Variants in MCTP2 observed in about 807,000 individuals in gnomAD.
MCTP2 encodes the protein multiple C2 and transmembrane domain-containing protein 2.
In MCTP2, 132 loss-of-function variants were observed where a neutral mutation model predicts 111.6. The ratio of observed to expected loss-of-function variants is 1.18; its 90% confidence interval spans 1.03 to 1.37. The LOEUF is 1.37. MCTP2 is among the 40% of genes most tolerant of loss of function. The probability of loss-of-function intolerance (pLI) is 0.00; values close to 1 mark genes in which losing one functional copy is unlikely to be tolerated. For missense variants in MCTP2, 1,183 were observed against 1,067.9 expected (o/e 1.11, Z -1.50); for synonymous variants, 395 against 387.7 (o/e 1.02, Z -0.22).
chr15:94,303,699 C>T (rs2075753416), intron 2 of MCTP2, among the ~76,000 whole-genome samples: 1 of 152,118 alleles, frequency 6.6e-6, no homozygotes. Context: ...ATGGGAGCTA[C>T]AAGATGAGAT....
chr15:94,274,332 A>G (rs758307125), intron 1 of MCTP2, among the ~76,000 whole-genome samples: 2 of 152,222 alleles, frequency 1.3e-5, no homozygotes, highest in African/African-American at 2.4e-5. Context: ...CTGAAAATCA[A>G]TATCTAATTT....
chr15:94,458,365 A>T (rs1233977739), intron 20 of MCTP2, 119 bp downstream of exon 20: 1 of 675,692 alleles, frequency 1.5e-6, no homozygotes, highest in African/African-American at 1.8e-5. Flanking sequence ...ACACCAAAGC[A>T]ACACTGTTGG....
intron 12 of MCTP2, among the ~76,000 whole-genome samples, chr15:94,380,093 C>G (rs2080043862): frequency 1.3e-5 from 2 of 151,956 alleles, no homozygotes; most frequent in African/African-American, 2.4e-5. Flanking sequence ...TTTCTCTGAA[C>G]TTTCATGCTC....
intron 1 of MCTP2, among the ~76,000 whole-genome samples, chr15:94,276,059 T>A (rs984219228): frequency 6.6e-6 from 1 of 152,060 alleles, no homozygotes; most frequent in African/African-American, 2.4e-5. Flanking sequence ...TTAGCCAGGA[T>A]GGTCTTGATC....
intron 17 of MCTP2, among the ~76,000 whole-genome samples, chr15:94,430,772 T>C (rs905027925): frequency 1.2e-4 from 18 of 151,414 alleles, no homozygotes; most frequent in African/African-American, 4.4e-4. Context: ...AATAAAAAAA[T>C]AAACAAAACA....
chr15:94,235,748 C>T (rs1415233091), intron 1 of MCTP2, among the ~76,000 whole-genome samples: 2 of 152,194 alleles, frequency 1.3e-5, no homozygotes, highest in African/African-American at 4.8e-5. Context: ...TCCGTAGTCA[C>T]ACAGCTGGAA....
At chr15:94,352,478 C>G (rs2078358927) in intron 8 of MCTP2, among the ~76,000 whole-genome samples, 1 of 152,144 alleles carries the variant, frequency 6.6e-6, no homozygotes, top group South Asian at 2.1e-4. Context: ...AGCGAAAGGT[C>G]TGATCCTTTG....
Position 94,339,405 on chromosome 15 carries a change from A to T in MCTP2, c.753A>T (p.Gln251His). 6.2e-7 allele frequency: 1 copy of T among 1,607,658 alleles called. No homozygotes were observed. The highest frequency in any genetic ancestry group is 2.2e-5 in the East Asian group (1 of 44,818). The change falls in exon 5 of 23, where the codon CAA (glutamine) becomes CAT (histidine). Residue 251 changes from glutamine to histidine, a missense_variant. By Grantham distance (24) the Gln-to-His change is conservative. Transcript: ENST00000357742. ...ATGAGATAGTTGTATTGCCAATCCA[A>T]AGCCTTGATCAAAAGCTACGTGTGA... ...VWDEIVVLPIQSLDQKLRVKV... is the reference protein window; with the variant it reads ...VWDEIVVLPIHSLDQKLRVKV...
At chr15:94,449,767 A>G (rs2152519051) in intron 19 of MCTP2, among the ~76,000 whole-genome samples, 1 of 152,306 alleles carries the variant, frequency 6.6e-6, no homozygotes, top group East Asian at 1.9e-4. Flanking sequence ...TCACACAAAT[A>G]TTTTATCTTA....
At chr15:94,385,933 C>CA (rs1253654298) in intron 14 of MCTP2, among the ~76,000 whole-genome samples, 1 of 152,198 alleles carries the variant, frequency 6.6e-6, no homozygotes, top group Non-Finnish European at 1.5e-5. Context: ...GGTAACTGCA[C>CA]ATTTGTTCTC....
intron 1 of MCTP2, among the ~76,000 whole-genome samples, chr15:94,261,261 T>A (rs1365932559): frequency 6.6e-6 from 1 of 152,242 alleles, no homozygotes; most frequent in Non-Finnish European, 1.5e-5. Context: ...CATCAGGACC[T>A]TCTGAGGCTG....
At chr15:94,402,361 A>G (rs1375544616) in intron 17 of MCTP2, 2 of 1,472,784 alleles carry the variant, frequency 1.4e-6, no homozygotes, top group East Asian at 5.0e-5. Flanking sequence ...CACAGGACTA[A>G]ATAATAACTG....
At chr15:94,443,402 C>T (rs2152512893) in intron 19 of MCTP2, among the ~76,000 whole-genome samples, 1 of 152,346 alleles carries the variant, frequency 6.6e-6, no homozygotes, top group South Asian at 2.1e-4. Context: ...CTGTGTACAT[C>T]TGTCCTTTTC....
intron 2 of MCTP2, among the ~76,000 whole-genome samples, chr15:94,307,938 T>C (rs2075961531): frequency 6.6e-6 from 1 of 151,614 alleles, no homozygotes; most frequent in Non-Finnish European, 1.5e-5. Flanking sequence ...ACACATAGGC[T>C]GTTTTATGAC....
At chr15:94,426,753 T>C (rs1331475915) in intron 17 of MCTP2, among the ~76,000 whole-genome samples, 2 of 152,146 alleles carry the variant, frequency 1.3e-5, no homozygotes, top group Non-Finnish European at 2.9e-5. Context: ...AAAGGGGGCA[T>C]GGACTATGTT....
intron 22 of MCTP2, 129 bp downstream of exon 22, chr15:94,476,922 C>T: frequency 1.6e-6 from 1 of 609,962 alleles, no homozygotes; most frequent in Non-Finnish European, 2.9e-6. Context: ...CTTAAAGAGG[C>T]CTGGCTTGCA....
intron 17 of MCTP2, among the ~76,000 whole-genome samples, chr15:94,409,209 CAG>C (rs935607323): frequency 6.6e-6 from 1 of 152,074 alleles, no homozygotes; most frequent in African/African-American, 2.4e-5. Context: ...AATGTGAAAA[CAG>C]AGACTGGCCT....
intron 17 of MCTP2, among the ~76,000 whole-genome samples, chr15:94,435,977 A>T (rs2083457342): frequency 6.6e-6 from 1 of 152,088 alleles, no homozygotes; most frequent in Admixed American, 6.5e-5. Context: ...ATTTAATTTT[A>T]TTAGACTCAA....
intron 17 of MCTP2, among the ~76,000 whole-genome samples, chr15:94,418,264 C>T (rs916209938): frequency 2.6e-5 from 4 of 152,072 alleles, no homozygotes; most frequent in African/African-American, 9.7e-5. Context: ...ATGGAGGGCC[C>T]CACAGTGCCA....
Sources: gnomAD v4.1 joint callset for allele counts (sites outside exome capture counted in the v4.1 genomes callset) on GRCh38, gnomAD v4.1.1 for gene constraint, MANE v1.5 for transcripts, NCBI Gene and HGNC (gene_info 2026-07-23, HGNC 2026-07-21) for gene names.